SPAG16: variants seen among roughly 807,000 people sequenced by gnomAD.
The protein encoded by SPAG16 is sperm-associated antigen 16 protein.
A neutral mutation model predicts 80.4 loss-of-function variants in SPAG16; 86 were observed. The ratio of observed to expected loss-of-function variants is 1.07; its 90% CI spans 0.90 to 1.28. The LOEUF is 1.28. Ranked by LOEUF, SPAG16 falls within the 50% of genes most tolerant of loss-of-function variation. SPAG16 has a pLI of 0.00. For synonymous variants in SPAG16, 294 were observed against 265.9 expected (o/e 1.11, Z -1.03); for missense variants, 870 against 765.3 (o/e 1.14, Z -1.61).
intron 13 of SPAG16, among the ~76,000 whole-genome samples, chr2:214,066,140 C>T (rs1019663751): frequency 1.3e-5 from 2 of 152,110 alleles, no homozygotes; most frequent in African/African-American, 2.4e-5. Flanking sequence ...CTTGCTAATT[C>T]CCTGTCACCT....
At chr2:213,387,429 CTCTTTTTTT>C (rs1259693972) in intron 9 of SPAG16, among the ~76,000 whole-genome samples, 3 of 71,760 alleles carry the variant, frequency 4.2e-5, no homozygotes, top group Admixed American at 4.3e-4. Flanking sequence ...GAAATGCATG[CTCTTTTTTT>C]TTTTTTTTTT....
chr2:213,323,333 C>T (rs1241889492), intron 5 of SPAG16, among the ~76,000 whole-genome samples: 1 of 151,864 alleles, frequency 6.6e-6, no homozygotes, highest in Non-Finnish European at 1.5e-5. Context: ...CCCAGCTACT[C>T]GGGAGGCTGA....
intron 11 of SPAG16, 86 bp from the exon 12 acceptor site, chr2:213,929,874 T>C: frequency 2.5e-6 from 3 of 1,180,594 alleles, no homozygotes; most frequent in Non-Finnish European, 3.7e-6. Flanking sequence ...TACATACACA[T>C]ACACACAAAT....
intron 15 of SPAG16, among the ~76,000 whole-genome samples, chr2:214,212,267 C>G (rs1333405448): frequency 6.6e-6 from 1 of 152,028 alleles, no homozygotes; most frequent in Non-Finnish European, 1.5e-5. Flanking sequence ...CTTTTATCTA[C>G]CAGAACTGCT....
intron 3 of SPAG16, among the ~76,000 whole-genome samples, chr2:213,301,832 G>T (rs764900967): frequency 3.3e-5 from 5 of 152,036 alleles, no homozygotes; most frequent in Non-Finnish European, 7.4e-5. Context: ...AGCCTTAATG[G>T]ATTGAATTGT....
chr2:214,346,578 T>TA lies in SPAG16; in HGVS notation c.1721-63560dup, dbSNP rs556757949. Among the ~76,000 whole-genome samples, 76 of 152,270 alleles carry TA rather than the reference T, an allele frequency of 5.0e-4. No homozygotes were observed. The South Asian group carries it at 0.016, about 31-fold the overall frequency. On this transcript the variant is annotated intron_variant, in intron 15 of 15. Coordinates refer to ENST00000331683, the MANE Select transcript of SPAG16 (RefSeq NM_024532.5). ...AATCTGTAGAAGCTTGTGATTTCAA[T>TA]AATAGAAAACTGAGGAAATAACGCT...
At chr2:213,367,348 T>C (rs9678345) in intron 8 of SPAG16, among the ~76,000 whole-genome samples, 40,639 of 151,622 alleles carry the variant, frequency 0.27, 6,066 homozygotes, top group Middle Eastern at 0.45. Flanking sequence ...GTTCAAGATC[T>C]TTGAGGAATT....
At position 213,588,968 on chromosome 2, in the gene SPAG16, C is replaced by T. The variant is rs981023746; in HGVS notation, c.1070+98878C>T. ...TTAGAAAAATCAGTTCAAATTTAAA[C>T]GATAATCTGATCAACTCCTTCTTGG... On this transcript the variant is annotated intron_variant, in intron 10 of 15. Coordinates refer to ENST00000331683, the MANE Select transcript of SPAG16 (RefSeq NM_024532.5). Among the ~76,000 whole-genome samples the T allele has an allele frequency of 7.2e-5, 11 of 151,754 alleles. 1 individual carries two copies. The highest frequency in any genetic ancestry group is 4.2e-4 in the South Asian group (2 of 4,814).
At chr2:214,210,438 G>A (rs2058261771) in intron 15 of SPAG16, among the ~76,000 whole-genome samples, 1 of 152,050 alleles carries the variant, frequency 6.6e-6, no homozygotes, top group Non-Finnish European at 1.5e-5. Context: ...GTCTCTTTAT[G>A]TGTTAATTGA....
At chr2:213,418,756 T>C (rs2069412757) in intron 9 of SPAG16, among the ~76,000 whole-genome samples, 1 of 152,200 alleles carries the variant, frequency 6.6e-6, no homozygotes, top group African/African-American at 2.4e-5. Flanking sequence ...TATGAATGGC[T>C]CAATGTAAAA....
At chr2:213,837,219 T>C (rs2074132774) in intron 10 of SPAG16, among the ~76,000 whole-genome samples, 1 of 152,226 alleles carries the variant, frequency 6.6e-6, no homozygotes, top group Non-Finnish European at 1.5e-5. Flanking sequence ...AGGATCACCA[T>C]GCCAGATAAT....
intron 15 of SPAG16, among the ~76,000 whole-genome samples, chr2:214,387,970 ATTTCTC>A (rs1700856456): frequency 6.6e-6 from 1 of 151,646 alleles, no homozygotes; most frequent in South Asian, 2.1e-4. Flanking sequence ...TAAGTTTTAC[ATTTCTC>A]TCCAAGTGAT....
chr2:213,301,257 AG>A (rs2062730937), intron 3 of SPAG16, among the ~76,000 whole-genome samples: 1 of 152,154 alleles, frequency 6.6e-6, no homozygotes, highest in Non-Finnish European at 1.5e-5. Context: ...TTAGAGACCC[AG>A]GCTCCTTGTA....
In SPAG16 at chr2:213,642,648, C is replaced by T. The variant is rs530603550; in HGVS notation, c.1070+152558C>T. On this transcript the variant is annotated intron_variant, in intron 10 of 15. Transcript: ENST00000331683. ...TACCCCGGCTAAAATGGTGAAACCC[C>T]GTCTCTACTAAAAATACAAAAAATT... Among the ~76,000 whole-genome samples the T allele has an allele frequency of 4.7e-5, 5 of 106,274 alleles. 2 individuals carry two copies. Among genetic ancestry groups the T allele is most frequent in the South Asian group, 5.8e-4 (2 of 3,474 alleles). The allele number at this position is 106,274 out of a possible 152,430, so 69.7% of individuals were successfully genotyped here. A position where few individuals can be genotyped will look rare whatever the true frequency, so the allele number is the denominator to read the frequency against.
intron 15 of SPAG16, among the ~76,000 whole-genome samples, chr2:214,275,688 T>G (rs898857907): frequency 3.9e-5 from 6 of 152,192 alleles, no homozygotes; most frequent in Non-Finnish European, 8.8e-5. Context: ...TCTTTTACAT[T>G]TGGTGAGGAG....
intron 15 of SPAG16, among the ~76,000 whole-genome samples, chr2:214,237,002 T>C (rs78920274): frequency 0.018 from 2,671 of 152,330 alleles, 76 homozygotes; most frequent in African/African-American, 0.061. Flanking sequence ...ATCCATAATG[T>C]ATAATTGTGA....
intron 5 of SPAG16, among the ~76,000 whole-genome samples, chr2:213,323,585 A>T (rs1199206612): frequency 6.6e-6 from 1 of 152,252 alleles, no homozygotes; most frequent in African/African-American, 2.4e-5. Flanking sequence ...ATTAAAATTC[A>T]AACTACCATA....
chr2:214,260,548 A>ATTTC (rs5838424), intron 15 of SPAG16, among the ~76,000 whole-genome samples: 92,849 of 151,148 alleles, frequency 0.61, 29,023 homozygotes, highest in South Asian at 0.71. Context: ...AAAGTCTATT[A>ATTTC]TTTCTTTGGT....
At chr2:214,243,771 A>G (rs1689652607) in intron 15 of SPAG16, among the ~76,000 whole-genome samples, 1 of 152,126 alleles carries the variant, frequency 6.6e-6, no homozygotes, top group Non-Finnish European at 1.5e-5. Flanking sequence ...AAATTGTGTT[A>G]TGAAATATCA....
Sources: allele counts gnomAD v4.1 joint callset (sites outside exome capture counted in the v4.1 genomes callset), GRCh38; gene constraint gnomAD v4.1.1; transcripts MANE v1.5; gene names NCBI Gene and HGNC (gene_info 2026-07-23, HGNC 2026-07-21).